TRAPPC9: variants seen among roughly 807,000 people sequenced by gnomAD.
The protein encoded by TRAPPC9 is trafficking protein particle complex subunit 9.
In TRAPPC9, 83 loss-of-function variants were observed where a neutral mutation model predicts 124.0. The ratio of observed to expected loss-of-function variants is 0.67; its 90% CI spans 0.56 to 0.80. TRAPPC9 has a LOEUF of 0.80. Ranked by LOEUF, TRAPPC9 falls within the 30% of genes least tolerant of loss-of-function variation. TRAPPC9 has a pLI of 0.00. For synonymous variants in TRAPPC9, 638 were observed against 617.5 expected, an observed-to-expected ratio of 1.03 and a Z score of -0.49; for missense variants, 1,302 against 1,508.3, an observed-to-expected ratio of 0.86 and a Z score of 2.27.
chr8:139,847,583 A>G (rs1827169941), intron 21 of TRAPPC9, among the ~76,000 whole-genome samples: 1 of 147,234 alleles, frequency 6.8e-6, no homozygotes, highest in Non-Finnish European at 1.5e-5. Context: ...TGGCCTGCAG[A>G]TGGGCACGAG....
chr8:139,971,198 C>A (rs1253012038), intron 19 of TRAPPC9, among the ~76,000 whole-genome samples: 1 of 152,146 alleles, frequency 6.6e-6, no homozygotes, highest in Non-Finnish European at 1.5e-5. Flanking sequence ...CACTCTCCTG[C>A]CTTCTCATGA....
chr8:140,329,923 T>C (rs535277557), intron 9 of TRAPPC9, among the ~76,000 whole-genome samples: 2 of 151,892 alleles, frequency 1.3e-5, no homozygotes, highest in Admixed American at 1.3e-4. Flanking sequence ...ACTAAAAAAA[T>C]ACAAAAATTA....
chr8:140,194,154 C>T (rs974105422), intron 17 of TRAPPC9, among the ~76,000 whole-genome samples: 25 of 152,128 alleles, frequency 1.6e-4, no homozygotes, highest in Non-Finnish European at 1.5e-5. Context: ...ATCTAAACTC[C>T]TTAGTATGGC....
At chr8:140,214,778 G>T (rs2063150387) in intron 17 of TRAPPC9, among the ~76,000 whole-genome samples, 2 of 152,108 alleles carry the variant, frequency 1.3e-5, no homozygotes, top group Non-Finnish European at 2.9e-5. Flanking sequence ...CATGAACGTG[G>T]ACAGACACAG....
intron 1 of TRAPPC9, among the ~76,000 whole-genome samples, chr8:140,456,446 A>G (rs1439928404): frequency 6.6e-6 from 1 of 151,920 alleles, no homozygotes; most frequent in Non-Finnish European, 1.5e-5. Context: ...ACTGAATTGT[A>G]CACTTTAAAG....
intron 17 of TRAPPC9, among the ~76,000 whole-genome samples, chr8:140,171,985 C>T (rs753803634): frequency 2.0e-5 from 3 of 152,140 alleles, no homozygotes; most frequent in Non-Finnish European, 2.9e-5. Context: ...GCTATGGGTG[C>T]CGCAGGTACT....
chr8:140,064,706 T>C (rs1328073802), intron 17 of TRAPPC9, among the ~76,000 whole-genome samples: 1 of 152,160 alleles, frequency 6.6e-6, no homozygotes, highest in East Asian at 1.9e-4. Context: ...TGCACAAACA[T>C]TAGCCAGTGT....
At chr8:139,744,249 TG>T (rs1412960255) in intron 21 of TRAPPC9, among the ~76,000 whole-genome samples, 1 of 152,142 alleles carries the variant, frequency 6.6e-6, no homozygotes, top group Non-Finnish European at 1.5e-5. Flanking sequence ...GGCCAGGAAA[TG>T]GGGGTGACGG....
At chr8:139,786,633 G>T (rs532306036) in intron 21 of TRAPPC9, among the ~76,000 whole-genome samples, 1 of 152,168 alleles carries the variant, frequency 6.6e-6, no homozygotes, top group South Asian at 2.1e-4. Flanking sequence ...CTTTACATTT[G>T]TAATAAGCCA....
intron 16 of TRAPPC9, among the ~76,000 whole-genome samples, chr8:140,242,407 C>A (rs941432898): frequency 6.6e-6 from 1 of 152,134 alleles, no homozygotes; most frequent in African/African-American, 2.4e-5. Flanking sequence ...TGGGGAAGAA[C>A]GGATGGAACT....
chr8:139,898,591 G>A (rs887985130), intron 20 of TRAPPC9, among the ~76,000 whole-genome samples: 2 of 152,068 alleles, frequency 1.3e-5, no homozygotes, highest in African/African-American at 2.4e-5. Context: ...TCGGAGCAGC[G>A]GTCTTATGTG....
chr8:140,403,382 T>G (rs1386291614), intron 6 of TRAPPC9, among the ~76,000 whole-genome samples: 1 of 151,434 alleles, frequency 6.6e-6, no homozygotes, highest in African/African-American at 2.4e-5. Flanking sequence ...TGAGCCCAGA[T>G]CATGCTGCTA....
chr8:139,762,452 C>G (rs752204920), intron 21 of TRAPPC9, among the ~76,000 whole-genome samples: 4 of 152,056 alleles, frequency 2.6e-5, no homozygotes, highest in Non-Finnish European at 5.9e-5. Context: ...GAGGTCAAGC[C>G]TCTACACACC....
At chr8:140,394,606 G>A (rs73713118) in intron 7 of TRAPPC9, among the ~76,000 whole-genome samples, 1,975 of 152,252 alleles carry the variant, frequency 0.013, 40 homozygotes, top group African/African-American at 0.044. Context: ...TTCCTTCAGG[G>A]ATTCTCTCTT....
At chr8:140,129,254 G>A (rs560897021) in intron 17 of TRAPPC9, among the ~76,000 whole-genome samples, 1 of 152,204 alleles carries the variant, frequency 6.6e-6, no homozygotes, top group African/African-American at 2.4e-5. Context: ...GAGGAGGGGA[G>A]GCTGGCTCGG....
At chr8:140,239,368 G>A (rs1238859196) in intron 16 of TRAPPC9, among the ~76,000 whole-genome samples, 5 of 152,188 alleles carry the variant, frequency 3.3e-5, no homozygotes, top group Admixed American at 3.3e-4. Context: ...GTGTTTCCAG[G>A]TAAAGAGGAA....
At position 140,257,761 on chromosome 8, in the gene TRAPPC9, C is replaced by T. The variant is rs1333157517; in HGVS notation, c.2279-4832G>A. On this transcript the variant is annotated intron_variant, in intron 15 of 22. Coordinates refer to ENST00000438773, the MANE Select transcript of TRAPPC9 (RefSeq NM_001160372.4). This position sits in a 1 kb window ranked among gnomAD's most constrained non-coding sequence, Gnocchi z 4.6. ...CAGGGTATCTACTCAGATATGCAAC[C>T]ATCCCAGCCCTTGTTCTTAGGCTGG... Among the ~76,000 whole-genome samples the T allele has an allele frequency of 6.6e-6, 1 of 152,160 alleles. No homozygotes were observed. The highest frequency in any genetic ancestry group is 2.4e-5 in the African/African-American group (1 of 41,434).
chr8:140,077,100 A>C lies in TRAPPC9; in HGVS notation c.2557-53021T>G, dbSNP rs2129932542. ...AGGATCGCTTGAACCCAGGAGGTAAAGGATACAGTGAGCCTAGATTGTGCC... is the reference window on the plus strand; with the variant it reads ...AGGATCGCTTGAACCCAGGAGGTAACGGATACAGTGAGCCTAGATTGTGCC... On this transcript the variant is annotated intron_variant, in intron 17 of 22. Coordinates refer to ENST00000438773, the MANE Select transcript of TRAPPC9 (RefSeq NM_001160372.4). Among the ~76,000 whole-genome samples, 2 of 152,308 alleles carry C rather than the reference A, an allele frequency of 1.3e-5. 1 individual carries two copies. Among genetic ancestry groups the C allele is most frequent in the Middle Eastern group, 6.8e-3 (2 of 294 alleles).
intron 18 of TRAPPC9, among the ~76,000 whole-genome samples, chr8:139,997,423 TACCCAGGAGAACAATGCATCCC>T (rs1838080095): frequency 6.9e-6 from 1 of 144,794 alleles, no homozygotes; most frequent in Non-Finnish European, 1.5e-5. Context: ...CAATGCATCC[TACCCAGGAGAACAATGCATCCC>T]ACACAGAGGA....
Sources: gnomAD v4.1 joint callset for allele counts (sites outside exome capture counted in the v4.1 genomes callset) on GRCh38, gnomAD v4.1.1 for gene constraint, Gnocchi (gnomAD v3.1) non-coding constraint, MANE v1.5 for transcripts, NCBI Gene and HGNC (gene_info 2026-07-23, HGNC 2026-07-21) for gene names.